Variants in UPK3A observed in about 807,000 individuals in gnomAD.
The protein encoded by UPK3A is uroplakin-3a.
In UPK3A, 32 loss-of-function variants were observed where a neutral mutation model predicts 27.6. The observed-to-expected ratio is 1.16, with a 90% CI of 0.87 to 1.55. The LOEUF is 1.55. Among genes scored for constraint, UPK3A ranks in the 40% most tolerant of loss-of-function variants. The probability of loss-of-function intolerance (pLI) is 0.00; values close to 1 mark genes in which losing one functional copy is unlikely to be tolerated. For missense variants in UPK3A, 370 were observed against 367.9 expected (o/e 1.01, Z -0.05); for synonymous variants, 171 against 163.9 (o/e 1.04, Z -0.33).
chr22:45,287,308 C>G lies in UPK3A; in HGVS notation c.345C>G (p.Ser115Arg). 6.2e-7 allele frequency: 1 copy of G among 1,614,246 alleles called. No individual in the cohort carries two copies. The highest frequency in any genetic ancestry group is 1.1e-5 in the South Asian group (1 of 91,090). ...FDLIPCSDLPSLDAIGDVSKA... is the reference protein window; with the variant it reads ...FDLIPCSDLPRLDAIGDVSKA... ...TGATCCCCTGCAGTGACCTGCCCAG[C>G]CTGGATGCCATTGGGGATGTGTCCA... The change falls in exon 3 of 6, where the codon AGC becomes AGG. Residue 115 changes from serine (S) to arginine (R), a missense_variant. Physicochemically the swap from Ser to Arg is moderately radical, Grantham distance 110 (BLOSUM62 -1). Transcript: ENST00000216211.
chr22:45,292,361 G>A (rs1018517818), intron 4 of UPK3A, among the ~76,000 whole-genome samples: 6 of 152,140 alleles, frequency 3.9e-5, no homozygotes, highest in African/African-American at 7.2e-5. Context: ...CTCCCTGAGC[G>A]CAGTGAGTGA....
At position 45,286,105 on chromosome 22, in the gene UPK3A, C is replaced by T. The variant is rs896155590; in HGVS notation, c.208+9C>T. ...TGTCCTGGTCGACTCAGGTAAGGGT[C>T]CTGCTTCCCTCTGGCTACTCCAAAA... On this transcript the variant is annotated intron_variant, in intron 2 of 5. Coordinates refer to ENST00000216211, the MANE Select transcript of UPK3A (RefSeq NM_006953.4). The T allele has an allele frequency of 3.7e-6, 6 of 1,614,038 alleles. No homozygotes were observed. The highest frequency in any genetic ancestry group is 3.4e-6 in the Non-Finnish European group (4 of 1,179,968).
At chr22:45,293,890 G>A (rs1020084293) in intron 5 of UPK3A, among the ~76,000 whole-genome samples, 9 of 152,110 alleles carry the variant, frequency 5.9e-5, no homozygotes, top group South Asian at 4.1e-4. Context: ...CCTGGGACTC[G>A]GGACTCCACT....
At chr22:45,291,100 C>T (rs917588983) in intron 4 of UPK3A, among the ~76,000 whole-genome samples, 4 of 152,172 alleles carry the variant, frequency 2.6e-5, no homozygotes, top group African/African-American at 9.7e-5. Context: ...ACCCCCAGCC[C>T]ACTCCCGTCT....
chr22:45,288,613 G>T (rs1293723547), intron 3 of UPK3A, among the ~76,000 whole-genome samples: 1 of 152,254 alleles, frequency 6.6e-6, no homozygotes, highest in Non-Finnish European at 1.5e-5. Context: ...GATTACAGGC[G>T]TGAGCCACCA....
At position 45,287,367 on chromosome 22, in the gene UPK3A, G is replaced by A. The variant is rs147406393; in HGVS notation, c.404G>A (p.Arg135Lys). 580 of 1,614,016 alleles carry A rather than the reference G, an allele frequency of 3.6e-4. 1 individual carries two copies. Among genetic ancestry groups the A allele is most frequent in the Middle Eastern group, 1.2e-3 (7 of 6,062 alleles). The change falls in exon 3 of 6, where the codon AGG becomes AAG. Residue 135 changes from arginine to lysine, a missense_variant. Transcript: ENST00000216211. ...CAGATCCTGAATGCCTACCTGGTCA[G>A]GGTGGGTGCCAACGGGACCTGCCTG... ...ASQILNAYLVRVGANGTCLWD... is the reference protein window; with the variant it reads ...ASQILNAYLVKVGANGTCLWD...
chr22:45,287,883 C>T (rs780480229), intron 3 of UPK3A, among the ~76,000 whole-genome samples: 9 of 152,158 alleles, frequency 5.9e-5, no homozygotes, highest in Non-Finnish European at 1.0e-4. Context: ...AAGCTGGTCT[C>T]GAACTCCTGA....
intron 4 of UPK3A, 48 bp from the exon 5 acceptor site, chr22:45,293,133 G>A: frequency 6.2e-7 from 1 of 1,609,584 alleles, no homozygotes; most frequent in South Asian, 1.1e-5. Flanking sequence ...GGAGAAGGGT[G>A]AGGGTGGTGC....
rs186920820 is a variant in UPK3A at position 45,290,295 on chromosome 22, G to C, written c.571+1152G>C. ...ACACCTTGGCCCCCAAGACGAGGCT[G>C]TCTGGCAGGATGAGTGTCAGGGTCC... On this transcript the variant is annotated intron_variant, in intron 4 of 5. Transcript: ENST00000216211. Among the ~76,000 whole-genome samples, 914 of 152,350 alleles carry C rather than the reference G, an allele frequency of 6.0e-3. 17 individuals are homozygous for C. The highest frequency in any genetic ancestry group is 0.035 in the Admixed American group (531 of 15,302).
intron 1 of UPK3A, among the ~76,000 whole-genome samples, chr22:45,285,370 C>A (rs2147791858): frequency 6.6e-6 from 1 of 152,164 alleles, no homozygotes; most frequent in African/African-American, 2.4e-5. Context: ...ATATTTCGGC[C>A]GAGGAAGCAG....
At chr22:45,289,503 G>A (rs925768714) in intron 4 of UPK3A, among the ~76,000 whole-genome samples, 1 of 151,204 alleles carries the variant, frequency 6.6e-6, no homozygotes, top group African/African-American at 2.4e-5. Context: ...GCGTGAACCC[G>A]GGAGGTGGAG....
intron 3 of UPK3A, among the ~76,000 whole-genome samples, chr22:45,287,920 T>G (rs2084130846): frequency 6.6e-6 from 1 of 152,196 alleles, no homozygotes; most frequent in African/African-American, 2.4e-5. Context: ...TGCTTTGGCC[T>G]CCTCCATAGT....
At position 45,284,971 on chromosome 22, in the gene UPK3A, C is replaced by T; in HGVS notation, c.-43C>T. ...GACAGGTCTGGTGCCCGCGCCTGCT[C>T]GCTGGACCGCCCGCCCCGCGCTCTG... On this transcript the variant is annotated 5_prime_UTR_variant, in exon 1 of 6. Coordinates refer to ENST00000216211, the MANE Select transcript of UPK3A (RefSeq NM_006953.4). 1.3e-6 allele frequency: 2 copies of T among 1,524,464 alleles called. No individual in the cohort carries two copies. Among genetic ancestry groups the T allele is most frequent in the African/African-American group, 1.4e-5 (1 of 72,200 alleles). The allele number at this position is 1,524,464 out of a possible 1,614,324, so 94.4% of individuals were successfully genotyped here. A position where few individuals can be genotyped will look rare whatever the true frequency, so the allele number is the denominator to read the frequency against.
intron 4 of UPK3A, among the ~76,000 whole-genome samples, chr22:45,289,996 G>A (rs531347239): frequency 1.3e-5 from 2 of 152,270 alleles, no homozygotes; most frequent in South Asian, 4.1e-4. Context: ...AATCCTCATA[G>A]CAGCAAGCAC....
At chr22:45,287,601 G>A in intron 3 of UPK3A, 150 bp downstream of exon 3, 1 of 897,424 alleles carries the variant, frequency 1.1e-6, no homozygotes, top group Non-Finnish European at 1.7e-6. Flanking sequence ...TGAGCCTCAA[G>A]TTCAGAAGAG....
At chr22:45,286,133 G>A (rs756721626) in intron 2 of UPK3A, 37 bp downstream of exon 2, 2 of 1,613,212 alleles carry the variant, frequency 1.2e-6, no homozygotes, top group Non-Finnish European at 1.7e-6. Context: ...CTCCAAAAGG[G>A]GCTCTGACCT....
chr22:45,288,909 G>C, intron 3 of UPK3A, 152 bp from the exon 4 acceptor site: 1 of 747,602 alleles, frequency 1.3e-6, no homozygotes, highest in Non-Finnish European at 2.3e-6. Flanking sequence ...CTGTTGCCCA[G>C]AGCCCGCTCA....
At chr22:45,293,087 G>C (rs893126344) in intron 4 of UPK3A, 94 bp from the exon 5 acceptor site, 3 of 1,572,946 alleles carry the variant, frequency 1.9e-6, no homozygotes, top group Admixed American at 3.6e-5. Context: ...CTGGATCCCC[G>C]GCAGCCAGGG....
At chr22:45,288,767 T>C (rs2084137640) in intron 3 of UPK3A, among the ~76,000 whole-genome samples, 1 of 152,104 alleles carries the variant, frequency 6.6e-6, no homozygotes, top group Non-Finnish European at 1.5e-5. Flanking sequence ...AGGAAAGAAA[T>C]GGAGGGGAGC....
Sources: gnomAD v4.1 joint callset for allele counts (sites outside exome capture counted in the v4.1 genomes callset) on GRCh38, gnomAD v4.1.1 for gene constraint, MANE v1.5 for transcripts, NCBI Gene and HGNC (gene_info 2026-07-23, HGNC 2026-07-21) for gene names.